NUFIP2: variants seen among roughly 807,000 people sequenced by gnomAD.
The protein encoded by NUFIP2 is FMR1-interacting protein NUFIP2.
Under a neutral mutation model 56.9 loss-of-function variants are expected in NUFIP2, and 6 were observed. The observed-to-expected ratio is 0.11, with a 90% confidence interval of 0.06 to 0.21. The LOEUF (loss-of-function observed/expected upper bound fraction) is 0.21. Among genes scored for constraint, NUFIP2 ranks in the 10% least tolerant of loss-of-function variants. The probability of loss-of-function intolerance (pLI) is 1.00; values close to 1 mark genes in which losing one functional copy is unlikely to be tolerated. For synonymous variants in NUFIP2, 321 were observed against 298.2 expected (o/e 1.08, Z -0.79); for missense variants, 828 against 826.8 (o/e 1.00, Z -0.02).
intron 1 of NUFIP2, among the ~76,000 whole-genome samples, chr17:29,293,411 TG>T (rs1235019868): frequency 2.6e-5 from 4 of 151,950 alleles, no homozygotes; most frequent in Admixed American, 6.6e-5. Flanking sequence ...AGGGATTTTT[TG>T]GGGGGGTAGG....
chr17:29,268,084 A>G (rs965157518), intron 2 of NUFIP2, among the ~76,000 whole-genome samples: 5 of 152,000 alleles, frequency 3.3e-5, no homozygotes, highest in African/African-American at 1.2e-4. Flanking sequence ...TTTTTAGTAG[A>G]GATGGGGTTT....
At position 29,282,654 on chromosome 17, in the gene NUFIP2, C is replaced by T. The variant is rs1176648468; in HGVS notation, c.2002+3338G>A. ...GAAGTGACATAACGCACTCTCTTAC[C>T]CACTATTTCCAAATTAAGTTGCTGA... On this transcript the variant is annotated intron_variant, in intron 2 of 3. Transcript: ENST00000225388. Among the ~76,000 whole-genome samples the T allele has an allele frequency of 1.5e-4, 23 of 151,820 alleles. 1 individual carries two copies. Among genetic ancestry groups the T allele is most frequent in the Admixed American group, 1.4e-3 (21 of 15,242 alleles).
rs771038400 is a variant in NUFIP2 at position 29,287,725 on chromosome 17, G to C, written c.278-9C>G. The C allele has an allele frequency of 1.3e-6, 2 of 1,550,080 alleles. No homozygotes were observed. The highest frequency in any genetic ancestry group is 2.4e-5 in the South Asian group (2 of 82,686). On this transcript the variant is annotated splice_polypyrimidine_tract_variant and intron_variant, in intron 1 of 3. Coordinates refer to ENST00000225388, the MANE Select transcript of NUFIP2 (RefSeq NM_020772.3). Reference sequence around the variant, plus strand: ...GTTTAGTTCACCATAGCCTAGGGGAGGGGAAAAAAAGGATTAAAAAAAAAA... The same window carrying C: ...GTTTAGTTCACCATAGCCTAGGGGACGGGAAAAAAAGGATTAAAAAAAAAA...
rs1308957557 is a variant in NUFIP2 at position 29,256,606 on chromosome 17, A to G, written c.*7933T>C. ...TATGTAGGAGCATGGGGAAAATGCT[A>G]TCAGTAATATCTTCTACTTAAACAT... On this transcript the variant is annotated 3_prime_UTR_variant, in exon 4 of 4. Coordinates refer to ENST00000225388, the MANE Select transcript of NUFIP2 (RefSeq NM_020772.3). 1 of 152,174 alleles carries G rather than the reference A, an allele frequency of 6.6e-6. No individual in the cohort carries two copies. Among genetic ancestry groups the G allele is most frequent in the African/African-American group, 2.4e-5 (1 of 41,442 alleles). The allele number at this position is 152,174 out of a possible 1,614,324, so 9.4% of individuals were successfully genotyped here.
rs62065195 is a variant in NUFIP2, at chr17:29,260,636, G to T, written c.*3903C>A. On this transcript the variant is annotated 3_prime_UTR_variant, in exon 4 of 4. Transcript: ENST00000225388. ...CATTAGATGCCTCTGATGTGGGGAA[G>T]CAACAAGCCTAACAACCAAGTATGA... 5.3e-5 allele frequency: 8 copies of T among 152,166 alleles called. No homozygotes were observed. The highest frequency in any genetic ancestry group is 1.2e-4 in the Non-Finnish European group (8 of 68,030). The allele number at this position is 152,166 out of a possible 1,614,324, so 9.4% of individuals were successfully genotyped here.
rs1222920800 is a variant in NUFIP2 at position 29,255,866 on chromosome 17, T to G, written c.*8673A>C. ...AACTTTAAAATTTTTTATTCAACAA[T>G]GTACACTTATTGTCTCTCAATTTGA... On this transcript the variant is annotated 3_prime_UTR_variant, in exon 4 of 4. Transcript: ENST00000225388. 1 of 152,236 alleles carries G rather than the reference T, an allele frequency of 6.6e-6. No homozygotes were observed. The highest frequency in any genetic ancestry group is 1.5e-5 in the Non-Finnish European group (1 of 68,030). The allele number at this position is 152,236 out of a possible 1,614,324, so 9.4% of individuals were successfully genotyped here. A position where few individuals can be genotyped will look rare whatever the true frequency, so the allele number is the denominator to read the frequency against.
At position 29,258,785 on chromosome 17, in the gene NUFIP2, CTATGGTATATG is replaced by C. The variant is rs1328871151; in HGVS notation, c.*5743_*5753del. 1 of 152,128 alleles carries C rather than the reference CTATGGTATATG, an allele frequency of 6.6e-6. No homozygotes were observed. Among genetic ancestry groups the C allele is most frequent in the African/African-American group, 2.4e-5 (1 of 41,426 alleles). The allele number at this position is 152,128 out of a possible 1,614,324, so 9.4% of individuals were successfully genotyped here. A position where few individuals can be genotyped will look rare whatever the true frequency, so the allele number is the denominator to read the frequency against. ...GCTACAGGAAAGGTATCAAAGCAACCTATGGTATATGTATGGTATATAGTAATGTAAAAAGT... is the reference window on the plus strand; with the variant it reads ...GCTACAGGAAAGGTATCAAAGCAACCTATGGTATATAGTAATGTAAAAAGT... On this transcript the variant is annotated 3_prime_UTR_variant, in exon 4 of 4. Transcript: ENST00000225388.
chr17:29,274,358 AG>A, intron 2 of NUFIP2, among the ~76,000 whole-genome samples: 2 of 152,190 alleles, frequency 1.3e-5, no homozygotes, highest in African/African-American at 2.4e-5. Context: ...CTGTAGTCTC[AG>A]CTACTCAGGA....
rs1037436060 is a variant in NUFIP2, at chr17:29,257,438, A to C, written c.*7101T>G. On this transcript the variant is annotated 3_prime_UTR_variant, in exon 4 of 4. Coordinates refer to ENST00000225388, the MANE Select transcript of NUFIP2 (RefSeq NM_020772.3). ...TGTGCAAAATGCATTTCTAAAACGT[A>C]ATGCAAGCAAAGCTTTCACATTTAC... 3 of 152,200 alleles carry C rather than the reference A, an allele frequency of 2.0e-5. No homozygotes were observed. Among genetic ancestry groups the C allele is most frequent in the African/African-American group, 7.2e-5 (3 of 41,446 alleles). 9.4% of individuals were successfully genotyped at this position (152,200 alleles called of 1,614,324 possible). A position where few individuals can be genotyped will look rare whatever the true frequency, so the allele number is the denominator to read the frequency against.
chr17:29,283,209 T>C (rs1329903393), intron 2 of NUFIP2, among the ~76,000 whole-genome samples: 1 of 152,206 alleles, frequency 6.6e-6, no homozygotes, highest in African/African-American at 2.4e-5. Flanking sequence ...AGCTAGCCCA[T>C]GGATAGGGAA....
At chr17:29,269,050 A>C (rs2069056280) in intron 2 of NUFIP2, among the ~76,000 whole-genome samples, 1 of 152,210 alleles carries the variant, frequency 6.6e-6, no homozygotes. Flanking sequence ...TCAGGGGGCT[A>C]TATATAGTCA....
chr17:29,264,635 CA>C, intron 3 of NUFIP2, 44 bp from the exon 4 acceptor site: 2 of 1,227,782 alleles, frequency 1.6e-6, no homozygotes, highest in Non-Finnish European at 2.4e-6. Context: ...TCTAGAATCT[CA>C]AAATGCCCGT....
rs749212307 is a variant in NUFIP2 at position 29,258,627 on chromosome 17, T to G, written c.*5912A>C. 6.6e-6 allele frequency: 1 copy of G among 152,168 alleles called. No homozygotes were observed. The highest frequency in any genetic ancestry group is 1.5e-5 in the Non-Finnish European group (1 of 68,022). The allele number at this position is 152,168 out of a possible 1,614,324, so 9.4% of individuals were successfully genotyped here. A position where few individuals can be genotyped will look rare whatever the true frequency, so the allele number is the denominator to read the frequency against. On this transcript the variant is annotated 3_prime_UTR_variant, in exon 4 of 4. Transcript: ENST00000225388. ...GTAGAAGACATTTAAGGCCAAAAAG[T>G]GTACTATTAACAGAATTCTTATATT...
At chr17:29,271,459 C>G (rs2069071708) in intron 2 of NUFIP2, among the ~76,000 whole-genome samples, 1 of 151,970 alleles carries the variant, frequency 6.6e-6, no homozygotes, top group African/African-American at 2.4e-5. Context: ...ATCACTTGAA[C>G]CCCGTAGACG....
At chr17:29,280,332 T>C (rs1189958188) in intron 2 of NUFIP2, among the ~76,000 whole-genome samples, 1 of 152,166 alleles carries the variant, frequency 6.6e-6, no homozygotes, top group Non-Finnish European at 1.5e-5. Flanking sequence ...TAGGATCTAG[T>C]GTTCAAAGCT....
chr17:29,285,448 G>A (rs945609267), intron 2 of NUFIP2, among the ~76,000 whole-genome samples: 1 of 151,992 alleles, frequency 6.6e-6, no homozygotes, highest in African/African-American at 2.4e-5. Context: ...AAAATTAGCC[G>A]GGCATGGTGG....
At chr17:29,287,825 C>T (rs2069187635) in intron 1 of NUFIP2, 109 bp from the exon 2 acceptor site, 2 of 1,059,064 alleles carry the variant, frequency 1.9e-6, no homozygotes, top group Non-Finnish European at 2.6e-6. Flanking sequence ...ATGCTATGAG[C>T]TGTAGCTTTA....
intron 3 of NUFIP2, among the ~76,000 whole-genome samples, chr17:29,267,116 C>G (rs954051259): frequency 2.0e-5 from 3 of 151,892 alleles, no homozygotes; most frequent in African/African-American, 7.3e-5. Flanking sequence ...GTTGGCCAGG[C>G]TGGTCTTGAA....
chr17:29,267,396 A>G (rs2069044716), intron 3 of NUFIP2, 102 bp downstream of exon 3: 1 of 671,598 alleles, frequency 1.5e-6, no homozygotes, highest in South Asian at 1.8e-5. Flanking sequence ...CTCAAAATAC[A>G]AAGTCTATTT....
Sources: allele counts gnomAD v4.1 joint callset (sites outside exome capture counted in the v4.1 genomes callset), GRCh38; gene constraint gnomAD v4.1.1; transcripts MANE v1.5; gene names NCBI Gene and HGNC (gene_info 2026-07-23, HGNC 2026-07-21).